The following DPP6 variants were observed in gnomAD, a reference collection of about 807,000 sequenced individuals.
The protein encoded by DPP6 is A-type potassium channel modulatory protein DPP6.
A neutral mutation model predicts 122.6 loss-of-function variants in DPP6; 69 were observed. The ratio of observed to expected loss-of-function variants is 0.56; its 90% CI spans 0.46 to 0.69. The LOEUF (loss-of-function observed/expected upper bound fraction) is 0.69, where lower values mean the gene tolerates loss of function less well. Among genes scored for constraint, DPP6 ranks in the 30% least tolerant of loss-of-function variants. The pLI is 0.00. For synonymous variants in DPP6, 418 were observed against 433.1 expected, an observed-to-expected ratio of 0.97 and a Z score of 0.43; for missense variants, 928 against 1,116.9, an observed-to-expected ratio of 0.83 and a Z score of 2.41.
intron 5 of DPP6, among the ~76,000 whole-genome samples, chr7:154,568,533 G>A (rs73729337): frequency 0.012 from 1,875 of 152,306 alleles, 48 homozygotes; most frequent in African/African-American, 0.042. Context: ...GAAGAGGCGT[G>A]CTCTAGTCAG....
At chr7:153,972,728 C>T (rs897533545) in intron 1 of DPP6, among the ~76,000 whole-genome samples, 1 of 150,800 alleles carries the variant, frequency 6.6e-6, no homozygotes, top group African/African-American at 2.4e-5. Flanking sequence ...CCAATCAAGG[C>T]ACATGGTAGC....
intron 1 of DPP6, among the ~76,000 whole-genome samples, chr7:154,412,785 C>T (rs1255914081): frequency 6.6e-6 from 1 of 152,198 alleles, no homozygotes; most frequent in Non-Finnish European, 1.5e-5. Flanking sequence ...CCTGACTATT[C>T]CCTGGCCTCT....
At chr7:154,109,849 C>T (rs1806445355) in intron 1 of DPP6, among the ~76,000 whole-genome samples, 1 of 141,478 alleles carries the variant, frequency 7.1e-6, no homozygotes, top group Admixed American at 7.3e-5. Flanking sequence ...GGAGAGGGGA[C>T]CCTCCAGTAC....
At chr7:154,627,189 C>CTTTTTTTTTTTTT (rs61163075) in intron 5 of DPP6, among the ~76,000 whole-genome samples, 1 of 103,448 alleles carries the variant, frequency 9.7e-6, no homozygotes, top group African/African-American at 3.8e-5. Context: ...ATTTTTTTTC[C>CTTTTTTTTTTTTT]TTTTTTTTTT....
chr7:154,675,957 G>A (rs770903980), intron 7 of DPP6, among the ~76,000 whole-genome samples: 3 of 152,198 alleles, frequency 2.0e-5, no homozygotes, highest in Admixed American at 6.5e-5. Context: ...AGGCCTCATC[G>A]CCTAAGGGGT....
intron 1 of DPP6, among the ~76,000 whole-genome samples, chr7:154,342,510 A>C (rs1426120931): frequency 6.6e-6 from 1 of 152,184 alleles, no homozygotes; most frequent in Non-Finnish European, 1.5e-5. Context: ...TTGGGGGTGA[A>C]GTGGGCTGTA....
chr7:153,927,975 A>T (rs1172800934), intron 1 of DPP6, among the ~76,000 whole-genome samples: 4 of 152,176 alleles, frequency 2.6e-5, no homozygotes, highest in Non-Finnish European at 5.9e-5. Context: ...GAGGTCTGAA[A>T]CTTGGAAATC....
At chr7:153,928,117 AG>A (rs1429999445) in intron 1 of DPP6, among the ~76,000 whole-genome samples, 1 of 75,614 alleles carries the variant, frequency 1.3e-5, no homozygotes, top group Non-Finnish European at 3.1e-5. Flanking sequence ...GCTTAAAAAC[AG>A]CAGAAATTTA....
chr7:154,616,038 C>G (rs1252013587), intron 5 of DPP6, among the ~76,000 whole-genome samples: 1 of 152,188 alleles, frequency 6.6e-6, no homozygotes, highest in Non-Finnish European at 1.5e-5. Context: ...TTAGGAGAAG[C>G]TTCTTCCCAA....
Position 154,399,400 on chromosome 7 carries a change from T to G in DPP6, c.244-46814T>G, listed in dbSNP as rs180681797. Among the ~76,000 whole-genome samples the G allele has an allele frequency of 5.9e-5, 9 of 152,328 alleles. No homozygotes were observed. The South Asian group carries it at 1.7e-3, about 28-fold the overall frequency. ...TTTTGTATTTATATTGGATAACTCATGCAATTTTTCAAAGACTCCATTATT... is the reference window on the plus strand; with the variant it reads ...TTTTGTATTTATATTGGATAACTCAGGCAATTTTTCAAAGACTCCATTATT... On this transcript the variant is annotated intron_variant, in intron 1 of 25. Transcript: ENST00000377770.
intron 1 of DPP6, among the ~76,000 whole-genome samples, chr7:154,101,591 A>G (rs1260025205): frequency 6.6e-6 from 1 of 151,996 alleles, no homozygotes; most frequent in East Asian, 1.9e-4. Flanking sequence ...AGGCAAAAAA[A>G]TCCTTTACAT....
At chr7:153,836,024 G>A in the DPP6 span, among the ~76,000 whole-genome samples, 8 of 152,200 alleles carry the variant, frequency 5.3e-5, no homozygotes, top group Non-Finnish European at 1.2e-4. Flanking sequence ...GCAAAGTGCA[G>A]CCCTAATTTG....
chr7:154,715,895 T>C (rs1323001049), intron 7 of DPP6, among the ~76,000 whole-genome samples: 1 of 152,130 alleles, frequency 6.6e-6, no homozygotes, highest in African/African-American at 2.4e-5. Flanking sequence ...CAAACTCCAC[T>C]CTGACTTCCT....
intron 3 of DPP6, among the ~76,000 whole-genome samples, chr7:154,518,098 C>G (rs1826676665): frequency 6.6e-6 from 1 of 152,204 alleles, no homozygotes. Context: ...AAAACAATGT[C>G]TTGTACCGCA....
chr7:154,384,482 G>A (rs954347570), intron 1 of DPP6, among the ~76,000 whole-genome samples: 9 of 152,168 alleles, frequency 5.9e-5, no homozygotes, highest in African/African-American at 2.2e-4. Flanking sequence ...CTGAGATTCA[G>A]AGAAAGAAGA....
intron 1 of DPP6, chr7:154,058,435 C>A (rs1284399669): frequency 7.2e-6 from 1 of 138,286 alleles, no homozygotes; most frequent in Non-Finnish European, 1.6e-5. Context: ...GGACTGAGAG[C>A]TATCCTCTCT....
intron 1 of DPP6, among the ~76,000 whole-genome samples, chr7:154,444,968 A>G (rs980233613): frequency 3.3e-5 from 5 of 152,208 alleles, no homozygotes; most frequent in Admixed American, 2.6e-4. Context: ...AGAAATTCTA[A>G]ACCACTGTAG....
intron 1 of DPP6, among the ~76,000 whole-genome samples, chr7:154,138,621 A>G (rs920137410): frequency 2.6e-5 from 4 of 151,846 alleles, no homozygotes; most frequent in East Asian, 3.9e-4. Flanking sequence ...TATTGGACCC[A>G]TCATGAAACT....
chr7:154,201,018 G>T (rs561070040), intron 1 of DPP6, among the ~76,000 whole-genome samples: 6 of 152,282 alleles, frequency 3.9e-5, no homozygotes, highest in Admixed American at 2.6e-4. Flanking sequence ...CAGAGGGCAC[G>T]GTGGAACTTG....
Sources: gnomAD v4.1 joint callset for allele counts (sites outside exome capture counted in the v4.1 genomes callset) on GRCh38, gnomAD v4.1.1 for gene constraint, MANE v1.5 for transcripts, NCBI Gene and HGNC (gene_info 2026-07-23, HGNC 2026-07-21) for gene names.